ZG16: variants seen among roughly 807,000 people sequenced by gnomAD.
ZG16 encodes zymogen granule protein 16.
In ZG16, 9 loss-of-function variants were observed where a neutral mutation model predicts 15.6. That is an observed-to-expected ratio of 0.58 (90% confidence interval 0.35 to 1.00). ZG16 has a LOEUF of 1.00. Ranked by LOEUF, ZG16 falls within the 50% of genes least tolerant of loss-of-function variation. The pLI is 0.02. For missense variants in ZG16, 174 were observed against 214.8 expected, an observed-to-expected ratio of 0.81 and a Z score of 1.19; for synonymous variants, 89 against 87.4, an observed-to-expected ratio of 1.02 and a Z score of -0.10.
In ZG16 at chr16:29,780,466, C is replaced by A. The variant is rs1220378822; in HGVS notation, c.*47C>A. ...CACTGTGATGAGGAGTAAGAACTCC[C>A]TTATCACTAACCCCCATCCAAATGG... On this transcript the variant is annotated 3_prime_UTR_variant, in exon 4 of 4. Coordinates refer to ENST00000400752, the MANE Select transcript of ZG16 (RefSeq NM_152338.4). The A allele has an allele frequency of 1.2e-5, 17 of 1,437,582 alleles. No homozygotes were observed. Among genetic ancestry groups the A allele is most frequent in the Non-Finnish European group, 1.5e-5 (16 of 1,082,978 alleles). The allele number at this position is 1,437,582 out of a possible 1,614,324, so 89.1% of individuals were successfully genotyped here.
Position 29,782,692 on chromosome 16 carries a change from T to C in ZG16, c.*2273T>C, listed in dbSNP as rs1596833645. On this transcript the variant is annotated 3_prime_UTR_variant, in exon 4 of 4. Coordinates refer to ENST00000400752, the MANE Select transcript of ZG16 (RefSeq NM_152338.4). ...CTCTTCTTTGGCAGGGGCACTGTGGTGAGGAGGAAGGATTCCCTTATCACA... is the reference window on the plus strand; with the variant it reads ...CTCTTCTTTGGCAGGGGCACTGTGGCGAGGAGGAAGGATTCCCTTATCACA... 6.6e-6 allele frequency: 1 copy of C among 152,180 alleles called. No homozygotes were observed. Among genetic ancestry groups the C allele is most frequent in the Non-Finnish European group, 1.5e-5 (1 of 68,014 alleles). The allele number at this position is 152,180 out of a possible 1,614,324, so 9.4% of individuals were successfully genotyped here.
At position 29,780,237 on chromosome 16, in the gene ZG16, C is replaced by G; in HGVS notation, c.322C>G (p.Leu108Val). 6.5e-7 allele frequency: 1 copy of G among 1,537,488 alleles called. No homozygotes were observed. The highest frequency in any genetic ancestry group is 8.7e-7 in the Non-Finnish European group (1 of 1,146,966). The change falls in exon 4 of 4, where the codon CTG becomes GTG. Residue 108 changes from leucine to valine, a missense_variant. Transcript: ENST00000400752. ...GAAGTACAAGTGGTACCTGAAGAAG[C>G]TGGTATTTGTGACAGACAAGGGCCG... Reference protein sequence around the residue: ...SGKYKWYLKKLVFVTDKGRYL... With the variant: ...SGKYKWYLKKVVFVTDKGRYL...
intron 2 of ZG16, 54 bp from the exon 3 acceptor site, chr16:29,779,451 G>A (rs1041016117): frequency 2.0e-6 from 3 of 1,534,632 alleles, no homozygotes; most frequent in African/African-American, 2.7e-5. Context: ...GGGTGATGCA[G>A]AGAAACTGAA....
chr16:29,779,963 C>A lies in ZG16; in HGVS notation c.189-141C>A, dbSNP rs1005432080. The A allele has an allele frequency of 5.0e-6, 4 of 807,882 alleles. No individual in the cohort carries two copies. In the Admixed American group the frequency reaches 8.7e-5, roughly 18 times the overall value. 50.0% of individuals were successfully genotyped at this position (807,882 alleles called of 1,614,324 possible). A position where few individuals can be genotyped will look rare whatever the true frequency, so the allele number is the denominator to read the frequency against. ...TGCACTCCAGCCTGGGTGACAGAGT[C>A]TCTTTGTTGGCAAAATGAGTTGAAG... On this transcript the variant is annotated intron_variant, in intron 3 of 3. Coordinates refer to ENST00000400752, the MANE Select transcript of ZG16 (RefSeq NM_152338.4).
rs1422382107 is a variant in ZG16 at position 29,779,280 on chromosome 16, C to G, written c.14C>G (p.Ala5Gly). The G allele has an allele frequency of 6.5e-7, 1 of 1,537,732 alleles. No homozygotes were observed. Among genetic ancestry groups the G allele is most frequent in the Non-Finnish European group, 8.7e-7 (1 of 1,147,026 alleles). The change falls in exon 2 of 4, where the codon GCT becomes GGT. Residue 5 changes from alanine (A) to glycine (G), a missense_variant. Ala to Gly is a moderately conservative substitution (Grantham distance 60). Coordinates refer to ENST00000400752, the MANE Select transcript of ZG16 (RefSeq NM_152338.4). ...TCCAGCCCCAGAATGTTGACAGTCG[C>G]TCTCCTAGCCCTTCTCTGTGCCTCA... MLTVALLALLCASAS... is the reference protein window; with the variant it reads MLTVGLLALLCASAS...
Position 29,782,614 on chromosome 16 carries a change from G to A in ZG16, c.*2195G>A, listed in dbSNP as rs1444133846. On this transcript the variant is annotated 3_prime_UTR_variant, in exon 4 of 4. Transcript: ENST00000400752. ...CTAATCAATGCCATTGGCTTGCATT[G>A]GGACTATCTATCCCAGCCTATCCAG... The A allele has an allele frequency of 6.6e-6, 1 of 151,964 alleles. No individual in the cohort carries two copies. The highest frequency in any genetic ancestry group is 2.4e-5 in the African/African-American group (1 of 41,348). The allele number at this position is 151,964 out of a possible 1,614,324, so 9.4% of individuals were successfully genotyped here. A position where few individuals can be genotyped will look rare whatever the true frequency, so the allele number is the denominator to read the frequency against.
rs1240607339 is a variant in ZG16 at position 29,781,460 on chromosome 16, G to A, written c.*1041G>A. 2 of 152,176 alleles carry A rather than the reference G, an allele frequency of 1.3e-5. No individual in the cohort carries two copies. Among genetic ancestry groups the A allele is most frequent in the Admixed American group, 1.3e-4 (2 of 15,278 alleles). 9.4% of individuals were successfully genotyped at this position (152,176 alleles called of 1,614,324 possible). On this transcript the variant is annotated 3_prime_UTR_variant, in exon 4 of 4. Coordinates refer to ENST00000400752, the MANE Select transcript of ZG16 (RefSeq NM_152338.4). ...AGAAGGGAAGAAAATTAAAATGAGT[G>A]AAGGTATACGTTAGTTTTGTAAAAG...
chr16:29,779,166 G>T (rs1438627359), intron 1 of ZG16, 94 bp from the exon 2 acceptor site: 1 of 1,255,356 alleles, frequency 8.0e-7, no homozygotes. Context: ...GGACGAAGAA[G>T]GCTTGGTCTG....
intron 1 of ZG16, 44 bp from the exon 2 acceptor site, chr16:29,779,216 A>T: frequency 6.5e-7 from 1 of 1,532,704 alleles, no homozygotes; most frequent in Non-Finnish European, 8.8e-7. Context: ...CAAGTCAACA[A>T]GGAAGAAGGT....
chr16:29,778,605 G>C (rs745442734), intron 1 of ZG16, among the ~76,000 whole-genome samples: 2 of 152,146 alleles, frequency 1.3e-5, no homozygotes, highest in Non-Finnish European at 2.9e-5. Context: ...CAACTTCTCT[G>C]TCTGTCCTAG....
chr16:29,779,175 T>C lies in ZG16; in HGVS notation c.-7-85T>C, dbSNP rs1327000692. 12 of 1,352,552 alleles carry C rather than the reference T, an allele frequency of 8.9e-6. No individual in the cohort carries two copies. The Admixed American group carries it at 2.0e-4, about 22-fold the overall frequency. The allele number at this position is 1,352,552 out of a possible 1,614,324, so 83.8% of individuals were successfully genotyped here. Reference sequence around the variant, plus strand: ...GTTGAAGGACGAAGAAGGCTTGGTCTGAGCTGCAGGTCAGGAGTGCCTGGG... The same window carrying C: ...GTTGAAGGACGAAGAAGGCTTGGTCCGAGCTGCAGGTCAGGAGTGCCTGGG... On this transcript the variant is annotated intron_variant, in intron 1 of 3. Transcript: ENST00000400752.
At position 29,781,539 on chromosome 16, in the gene ZG16, G is replaced by A. The variant is rs1898624842; in HGVS notation, c.*1120G>A. On this transcript the variant is annotated 3_prime_UTR_variant, in exon 4 of 4. Coordinates refer to ENST00000400752, the MANE Select transcript of ZG16 (RefSeq NM_152338.4). Reference sequence around the variant, plus strand: ...CACACCTGTAATCCCAGCACTTTGGGAGGCCAAGGCAGGCAGATCATTTGA... The same window carrying A: ...CACACCTGTAATCCCAGCACTTTGGAAGGCCAAGGCAGGCAGATCATTTGA... The A allele has an allele frequency of 1.3e-5, 2 of 152,096 alleles. No individual in the cohort carries two copies. The highest frequency in any genetic ancestry group is 6.6e-5 in the Admixed American group (1 of 15,262). The allele number at this position is 152,096 out of a possible 1,614,324, so 9.4% of individuals were successfully genotyped here.
In ZG16 at chr16:29,780,135, G is replaced by A. The variant is rs1359980401; in HGVS notation, c.220G>A (p.Asp74Asn). The change falls in exon 4 of 4, where the codon GAC (aspartate) becomes AAC (asparagine). Residue 74 changes from aspartate (D) to asparagine (N), a missense_variant. Coordinates refer to ENST00000400752, the MANE Select transcript of ZG16 (RefSeq NM_152338.4). ...GGTGCGCTATGGCAAGGTGTGGAGCGACTATGTGGGTGGTCGCAACGGAGA... is the reference window on the plus strand; with the variant it reads ...GGTGCGCTATGGCAAGGTGTGGAGCAACTATGTGGGTGGTCGCAACGGAGA... The part of the protein sequence containing the change: ...LQVRYGKVWS[D>N]YVGGRNGDLE... 7 of 1,536,928 alleles carry A rather than the reference G, an allele frequency of 4.6e-6. No homozygotes were observed. The highest frequency in any genetic ancestry group is 2.4e-5 in the South Asian group (2 of 84,028).
In ZG16 at chr16:29,780,535, T is replaced by G. The variant is rs1898613922; in HGVS notation, c.*116T>G. The G allele has an allele frequency of 3.0e-6, 3 of 993,122 alleles. No homozygotes were observed. In the South Asian group the frequency reaches 5.6e-5, roughly 19 times the overall value. The allele number at this position is 993,122 out of a possible 1,614,324, so 61.5% of individuals were successfully genotyped here. A position where few individuals can be genotyped will look rare whatever the true frequency, so the allele number is the denominator to read the frequency against. ...GTTAAGGCTAGTCTGTGTGGGGGCA[T>G]CTGTGGCTGGGATATCTGCCTCCTG... On this transcript the variant is annotated 3_prime_UTR_variant, in exon 4 of 4. Coordinates refer to ENST00000400752, the MANE Select transcript of ZG16 (RefSeq NM_152338.4).
chr16:29,780,571 G>T lies in ZG16; in HGVS notation c.*152G>T, dbSNP rs1425601157. ...GATATCTGCCTCCTGACTTAGCCGG[G>T]GACGTGCAAATCTCACTTCTGGCTG... On this transcript the variant is annotated 3_prime_UTR_variant, in exon 4 of 4. Coordinates refer to ENST00000400752, the MANE Select transcript of ZG16 (RefSeq NM_152338.4). The T allele has an allele frequency of 1.0e-5, 7 of 702,190 alleles. No individual in the cohort carries two copies. Among genetic ancestry groups the T allele is most frequent in the Non-Finnish European group, 1.6e-5 (7 of 439,014 alleles). 43.5% of individuals were successfully genotyped at this position (702,190 alleles called of 1,614,324 possible).
intron 3 of ZG16, among the ~76,000 whole-genome samples, chr16:29,779,866 C>T (rs1433755963): frequency 5.9e-5 from 9 of 152,134 alleles, no homozygotes; most frequent in African/African-American, 1.9e-4. Flanking sequence ...GCCTCAACTA[C>T]TCAGGAGGGA....
rs1246965222 is a variant in ZG16 at position 29,780,450 on chromosome 16, G to A, written c.*31G>A. ...CTCTCCTTGGCAGGGGCACTGTGAT[G>A]AGGAGTAAGAACTCCCTTATCACTA... On this transcript the variant is annotated 3_prime_UTR_variant, in exon 4 of 4. Coordinates refer to ENST00000400752, the MANE Select transcript of ZG16 (RefSeq NM_152338.4). 3 of 1,487,058 alleles carry A rather than the reference G, an allele frequency of 2.0e-6. No individual in the cohort carries two copies. Among genetic ancestry groups the A allele is most frequent in the African/African-American group, 1.4e-5 (1 of 71,668 alleles). 92.1% of individuals were successfully genotyped at this position (1,487,058 alleles called of 1,614,324 possible).
rs1354605092 is a variant in ZG16 at position 29,782,201 on chromosome 16, C to T, written c.*1782C>T. 6.6e-6 allele frequency: 1 copy of T among 152,264 alleles called. No homozygotes were observed. Among genetic ancestry groups the T allele is most frequent in the Non-Finnish European group, 1.5e-5 (1 of 68,070 alleles). The allele number at this position is 152,264 out of a possible 1,614,324, so 9.4% of individuals were successfully genotyped here. On this transcript the variant is annotated 3_prime_UTR_variant, in exon 4 of 4. Transcript: ENST00000400752. Reference sequence around the variant, plus strand: ...TGCAGCCGCCACGGAGCCCCAGCCTCCTCTATGGCAGGGGCCCTGTGGTGG... The same window carrying T: ...TGCAGCCGCCACGGAGCCCCAGCCTTCTCTATGGCAGGGGCCCTGTGGTGG...
Position 29,780,685 on chromosome 16 carries a change from G to T in ZG16, c.*266G>T. 1 of 418,076 alleles carries T rather than the reference G, an allele frequency of 2.4e-6. No individual in the cohort carries two copies. The highest frequency in any genetic ancestry group is 4.3e-6 in the Non-Finnish European group (1 of 232,800). 25.9% of individuals were successfully genotyped at this position (418,076 alleles called of 1,614,324 possible). A position where few individuals can be genotyped will look rare whatever the true frequency, so the allele number is the denominator to read the frequency against. On this transcript the variant is annotated 3_prime_UTR_variant, in exon 4 of 4. Coordinates refer to ENST00000400752, the MANE Select transcript of ZG16 (RefSeq NM_152338.4). Reference sequence around the variant, plus strand: ...GTGCTATAATTTATCAAGAGGAGATGAGATTCTGGCTTGCATCAACGCTCT... The same window carrying T: ...GTGCTATAATTTATCAAGAGGAGATTAGATTCTGGCTTGCATCAACGCTCT...
Sources: gnomAD v4.1 joint callset for allele counts (sites outside exome capture counted in the v4.1 genomes callset) on GRCh38, gnomAD v4.1.1 for gene constraint, MANE v1.5 for transcripts, NCBI Gene and HGNC (gene_info 2026-07-23, HGNC 2026-07-21) for gene names.